SUGCT: variants seen among roughly 807,000 people sequenced by gnomAD.
SUGCT encodes the protein succinyl-CoA:glutarate CoA-transferase.
A neutral mutation model predicts 55.0 loss-of-function variants in SUGCT; 41 were observed. The ratio of observed to expected loss-of-function variants is 0.74; its 90% CI spans 0.58 to 0.97. The LOEUF (loss-of-function observed/expected upper bound fraction) is 0.97, where lower values mean the gene tolerates loss of function less well. Among genes scored for constraint, SUGCT ranks in the 50% least tolerant of loss-of-function variants. The pLI is 0.00. For synonymous variants in SUGCT, 187 were observed against 200.4 expected (o/e 0.93, Z 0.56); for missense variants, 568 against 547.8 (o/e 1.04, Z -0.37).
At chr7:40,776,607 A>G (rs1789466244) in intron 13 of SUGCT, among the ~76,000 whole-genome samples, 1 of 152,142 alleles carries the variant, frequency 6.6e-6, no homozygotes, top group South Asian at 2.1e-4. Flanking sequence ...CTTTCTACGT[A>G]TTATTTCAGT....
At chr7:40,336,407 T>G (rs973241930) in intron 9 of SUGCT, among the ~76,000 whole-genome samples, 1 of 152,198 alleles carries the variant, frequency 6.6e-6, no homozygotes, top group African/African-American at 2.4e-5. Context: ...AGGCTATTAA[T>G]TATTGCCTCA....
In SUGCT at chr7:40,316,817, C is replaced by T. The variant is rs375435686; in HGVS notation, c.778C>T (p.Arg260Cys). 1.8e-4 allele frequency: 290 copies of T among 1,601,410 alleles called. No individual in the cohort carries two copies. Among genetic ancestry groups the T allele is most frequent in the Non-Finnish European group, 2.3e-4 (265 of 1,173,408 alleles). Residue 260 changes from arginine (R) to cysteine (C), a missense_variant, in exon 9 of 14, where the codon CGT becomes TGT. Transcript: ENST00000335693. ...TCTTATTGGTCAAAAGGAAGCAAAA[C>T]GTTGGGGTACAGCTCATGGCAGTAT... ...NYLIGQKEAK[R>C]WGTAHGSIVP...
At chr7:40,627,801 C>T (rs1799594347) in intron 12 of SUGCT, among the ~76,000 whole-genome samples, 1 of 152,066 alleles carries the variant, frequency 6.6e-6, no homozygotes, top group Non-Finnish European at 1.5e-5. Flanking sequence ...CCTTAGGTTC[C>T]CTGCCTCCAG....
chr7:40,547,889 A>G lies in SUGCT; in HGVS notation c.1089+51503A>G, dbSNP rs1483950663. Among the ~76,000 whole-genome samples the G allele has an allele frequency of 2.6e-5, 4 of 152,276 alleles. No individual in the cohort carries two copies. The East Asian group carries it at 7.7e-4, about 29-fold the overall frequency. On this transcript the variant is annotated intron_variant, in intron 12 of 13. Transcript: ENST00000335693. ...TTAACTAATCCAGTGTTGAATATCA[A>G]GATTGTTTGTAATTTATGCTGAGAT... is the stretch of plus-strand genomic sequence containing the variant.
chr7:40,963,188 G>GTT, the SUGCT span, among the ~76,000 whole-genome samples: 2 of 151,020 alleles, frequency 1.3e-5, no homozygotes, highest in Non-Finnish European at 3.0e-5. Context: ...CAAGAATATT[G>GTT]GTTTTTTTTT....
chr7:41,035,948 G>C, the SUGCT span, among the ~76,000 whole-genome samples: 1 of 152,190 alleles, frequency 6.6e-6, no homozygotes, highest in Non-Finnish European at 1.5e-5. Flanking sequence ...TGACTCCTCA[G>C]GGGGAGCAGC....
the SUGCT span, among the ~76,000 whole-genome samples, chr7:40,907,786 G>C: frequency 6.6e-6 from 1 of 152,256 alleles, no homozygotes; most frequent in South Asian, 2.1e-4. Context: ...GACAATGCCT[G>C]AGACACACTG....
chr7:40,474,407 C>T (rs527372023), intron 11 of SUGCT, among the ~76,000 whole-genome samples: 1 of 152,086 alleles, frequency 6.6e-6, no homozygotes, highest in Admixed American at 6.6e-5. Context: ...ACTGTGTGTA[C>T]ATACTTTGGA....
intron 12 of SUGCT, among the ~76,000 whole-genome samples, chr7:40,555,738 A>G (rs1397764021): frequency 6.6e-6 from 1 of 151,476 alleles, no homozygotes; most frequent in East Asian, 2.0e-4. Context: ...ATTGTAAGGA[A>G]GTACAATATT....
chr7:40,800,007 C>T (rs976157679), intron 13 of SUGCT, among the ~76,000 whole-genome samples: 3 of 152,184 alleles, frequency 2.0e-5, no homozygotes, highest in African/African-American at 7.2e-5. Flanking sequence ...AGTGGCTCCA[C>T]TCACTGTGGG....
chr7:40,894,982 A>G, the SUGCT span, among the ~76,000 whole-genome samples: 2 of 152,218 alleles, frequency 1.3e-5, no homozygotes, highest in Non-Finnish European at 2.9e-5. Flanking sequence ...AAGAATATAA[A>G]TCGTTCTACC....
chr7:40,386,079 G>T (rs1785111287), intron 9 of SUGCT, among the ~76,000 whole-genome samples: 1 of 152,170 alleles, frequency 6.6e-6, no homozygotes, highest in African/African-American at 2.4e-5. Context: ...GGGACAGAAG[G>T]ATGGCCTGGT....
intron 7 of SUGCT, among the ~76,000 whole-genome samples, chr7:40,256,401 G>C (rs1293627593): frequency 6.6e-6 from 1 of 152,118 alleles, no homozygotes; most frequent in Non-Finnish European, 1.5e-5. Context: ...AGCCAACCCA[G>C]GTCAGCTACA....
intron 13 of SUGCT, among the ~76,000 whole-genome samples, chr7:40,817,627 T>G (rs1791745799): frequency 6.6e-6 from 1 of 152,122 alleles, no homozygotes; most frequent in Non-Finnish European, 1.5e-5. Flanking sequence ...CAAAAGAAGA[T>G]AAGGTATCCA....
At chr7:40,998,484 T>C in the SUGCT span, among the ~76,000 whole-genome samples, 1 of 152,214 alleles carries the variant, frequency 6.6e-6, no homozygotes, top group African/African-American at 2.4e-5. Context: ...TGTAGTCCTA[T>C]GGCACTTTGT....
chr7:40,331,465 G>A (rs1028044392), intron 9 of SUGCT, among the ~76,000 whole-genome samples: 6 of 152,138 alleles, frequency 3.9e-5, no homozygotes, highest in African/African-American at 1.2e-4. Context: ...TATAAAATAG[G>A]TATATTACTA....
At chr7:40,969,544 C>T in the SUGCT span, among the ~76,000 whole-genome samples, 5 of 151,992 alleles carry the variant, frequency 3.3e-5, no homozygotes, top group Non-Finnish European at 7.4e-5. Context: ...TTTGTACTGA[C>T]GGGGGTCCCA....
At chr7:40,365,439 A>C (rs889683375) in intron 9 of SUGCT, among the ~76,000 whole-genome samples, 14 of 151,980 alleles carry the variant, frequency 9.2e-5, no homozygotes, top group African/African-American at 3.4e-4. Context: ...AAGGAAATAA[A>C]GGGTATTCAA....
rs149975002 is a variant in SUGCT, at chr7:40,149,446, T to A, written c.100+14326T>A. 2.7e-3 allele frequency among the ~76,000 whole-genome samples: 406 copies of A among 152,310 alleles called. 2 individuals are homozygous for A. The highest frequency in any genetic ancestry group is 9.3e-3 in the African/African-American group (387 of 41,568). ...TCCCAAAGCATACCTCCTTCTTGTCTGGGGACTAGATTTCCTTTGTAGGAC... is the reference window on the plus strand; with the variant it reads ...TCCCAAAGCATACCTCCTTCTTGTCAGGGGACTAGATTTCCTTTGTAGGAC... On this transcript the variant is annotated intron_variant, in intron 1 of 13. Transcript: ENST00000335693.
Sources: allele counts gnomAD v4.1 joint callset (sites outside exome capture counted in the v4.1 genomes callset), GRCh38; gene constraint gnomAD v4.1.1; transcripts MANE v1.5; gene names NCBI Gene and HGNC (gene_info 2026-07-23, HGNC 2026-07-21).